The following EFCAB8 variants were observed in gnomAD, a reference collection of about 807,000 sequenced individuals.
The protein encoded by EFCAB8 is EF-hand calcium-binding domain-containing protein 8.
A neutral mutation model predicts 116.3 loss-of-function variants in EFCAB8; 100 were observed. The ratio of observed to expected loss-of-function variants is 0.86; its 90% CI spans 0.73 to 1.02. EFCAB8 has a LOEUF of 1.02. Ranked by LOEUF, EFCAB8 falls within the 50% of genes least tolerant of loss-of-function variation. EFCAB8 has a pLI of 0.00. For synonymous variants in EFCAB8, 558 were observed against 567.9 expected (o/e 0.98, Z 0.25); for missense variants, 1,320 against 1,416.9 (o/e 0.93, Z 1.10).
intron 3 of EFCAB8, among the ~76,000 whole-genome samples, chr20:32,873,677 A>G (rs901236739): frequency 2.6e-5 from 4 of 151,740 alleles, no homozygotes; most frequent in Admixed American, 6.6e-5. Flanking sequence ...AGCCTGGCCA[A>G]CATGATGAAA....
intron 9 of EFCAB8, among the ~76,000 whole-genome samples, chr20:32,894,201 C>T (rs1986051524): frequency 6.6e-6 from 1 of 152,162 alleles, no homozygotes; most frequent in African/African-American, 2.4e-5. Context: ...ACCAGGGGCC[C>T]CATGCAGGGC....
chr20:32,881,524 C>T (rs1051763571), intron 5 of EFCAB8, among the ~76,000 whole-genome samples: 13 of 152,158 alleles, frequency 8.5e-5, no homozygotes, highest in Non-Finnish European at 8.8e-5. Flanking sequence ...AGAACTCCTT[C>T]GAGTTGTTGG....
intron 22 of EFCAB8, among the ~76,000 whole-genome samples, chr20:32,932,691 C>G (rs1342181498): frequency 6.6e-6 from 1 of 152,166 alleles, no homozygotes; most frequent in East Asian, 1.9e-4. Flanking sequence ...TGCATAGCAG[C>G]ACTATCCCAT....
At chr20:32,892,757 T>C (rs907863240) in intron 8 of EFCAB8, among the ~76,000 whole-genome samples, 1 of 152,048 alleles carries the variant, frequency 6.6e-6, no homozygotes, top group Admixed American at 6.6e-5. Flanking sequence ...GAAAGTGTTG[T>C]TGGAACTGCC....
chr20:32,884,796 GGA>G (rs1387269896), intron 5 of EFCAB8, among the ~76,000 whole-genome samples: 1 of 152,172 alleles, frequency 6.6e-6, no homozygotes, highest in South Asian at 2.1e-4. Flanking sequence ...AGATCAAGTA[GGA>G]GAGTGTGTGC....
rs1313723763 is a variant in EFCAB8 at position 32,961,151 on chromosome 20, T to A, written c.3409T>A (p.Tyr1137Asn). 63 of 1,552,252 alleles carry A rather than the reference T, an allele frequency of 4.1e-5. No homozygotes were observed. Among genetic ancestry groups the A allele is most frequent in the Non-Finnish European group, 5.4e-5 (62 of 1,147,092 alleles). Residue 1137 changes from tyrosine to asparagine, a missense_variant, in exon 27 of 27, where the codon TAC becomes AAC. By Grantham distance (143) the Tyr-to-Asn change is moderately radical. Coordinates refer to ENST00000400522, the MANE Select transcript of EFCAB8 (RefSeq NM_001143967.2). The part of the protein sequence containing the change: ...WMKHQISPQV[Y>N]QSLHFSDLMP... The stretch of plus-strand genomic sequence containing the variant: ...TTCCCTGCAGATCTCGCCTCAGGTC[T>A]ACCAAAGCCTGCACTTCAGTGATCT...
intron 6 of EFCAB8, among the ~76,000 whole-genome samples, chr20:32,888,598 C>T (rs1166667414): frequency 6.6e-6 from 1 of 152,060 alleles, no homozygotes; most frequent in Non-Finnish European, 1.5e-5. Flanking sequence ...TCAAGTGATC[C>T]TCCCACCTTG....
intron 15 of EFCAB8, among the ~76,000 whole-genome samples, 178 bp from the exon 16 acceptor site, chr20:32,911,302 C>T (rs1050049570): frequency 6.6e-6 from 1 of 152,204 alleles, no homozygotes; most frequent in Non-Finnish European, 1.5e-5. Context: ...GTTTGCACTG[C>T]CCTGTGATAC....
At chr20:32,878,587 G>A (rs191003972) in intron 4 of EFCAB8, 117 bp from the exon 5 acceptor site, 9 of 653,776 alleles carry the variant, frequency 1.4e-5, no homozygotes, top group South Asian at 3.6e-5. Flanking sequence ...GCGCAATCTC[G>A]GCTCACTGCA....
chr20:32,961,541 C>T lies in EFCAB8; in HGVS notation c.3799C>T (p.Arg1267Trp), dbSNP rs373695571. 91 of 1,411,304 alleles carry T rather than the reference C, an allele frequency of 6.4e-5. 1 individual carries two copies. In the Middle Eastern group the frequency reaches 7.4e-4, roughly 11 times the overall value. The allele number at this position is 1,411,304 out of a possible 1,614,324, so 87.4% of individuals were successfully genotyped here. Residue 1267 changes from arginine to tryptophan, a missense_variant, in exon 27 of 27, where the codon CGG becomes TGG. Physicochemically the swap from Arg to Trp is moderately radical, Grantham distance 101 (BLOSUM62 -3). Coordinates refer to ENST00000400522, the MANE Select transcript of EFCAB8 (RefSeq NM_001143967.2). ...TPKHIVSSFE[R>W]PPRPLKATFM... ...CAAGCACATTGTCTCCTCCTTCGAG[C>T]GGCCCCCAAGGCCTCTGAAGGCCAC...
At chr20:32,936,159 A>C (rs973011029) in intron 22 of EFCAB8, among the ~76,000 whole-genome samples, 3 of 151,962 alleles carry the variant, frequency 2.0e-5, no homozygotes, top group Non-Finnish European at 4.4e-5. Context: ...CAACTTCCTG[A>C]GTAGCTGGGA....
chr20:32,940,043 TC>T (rs781393955), intron 22 of EFCAB8, among the ~76,000 whole-genome samples: 1,607 of 70,946 alleles, frequency 0.023, 344 homozygotes, highest in Middle Eastern at 0.059. Context: ...CTTCCTTCCT[TC>T]CTTCCTTCCT....
chr20:32,914,754 A>T (rs1406700911), intron 17 of EFCAB8, among the ~76,000 whole-genome samples: 9 of 152,180 alleles, frequency 5.9e-5, no homozygotes, highest in Admixed American at 5.9e-4. Flanking sequence ...ACCTCCTACC[A>T]GGTCCCTCCC....
chr20:32,873,266 C>A (rs1351278425), intron 3 of EFCAB8, among the ~76,000 whole-genome samples: 1 of 151,938 alleles, frequency 6.6e-6, no homozygotes, highest in East Asian at 1.9e-4. Flanking sequence ...GGAAGGAGCC[C>A]CCTGAACTCT....
intron 23 of EFCAB8, among the ~76,000 whole-genome samples, chr20:32,945,875 C>A (rs547142002): frequency 4.6e-5 from 7 of 152,224 alleles, no homozygotes; most frequent in African/African-American, 1.7e-4. Context: ...TTCAGGAGTC[C>A]ATTATCTCTT....
At chr20:32,944,419 C>A (rs2146292750) in intron 23 of EFCAB8, among the ~76,000 whole-genome samples, 1 of 152,102 alleles carries the variant, frequency 6.6e-6, no homozygotes, top group Non-Finnish European at 1.5e-5. Context: ...GAGCTGAGAT[C>A]ATGTCACTGC....
intron 23 of EFCAB8, among the ~76,000 whole-genome samples, chr20:32,952,202 A>G (rs773257077): frequency 6.6e-5 from 10 of 152,048 alleles, no homozygotes; most frequent in Non-Finnish European, 1.3e-4. Context: ...GAGGTTGAAG[A>G]TGCAGTAATC....
intron 21 of EFCAB8, 56 bp from the exon 22 acceptor site, chr20:32,931,118 AGAGT>A (rs1987891388): frequency 1.1e-5 from 15 of 1,399,390 alleles, no homozygotes; most frequent in Non-Finnish European, 1.4e-5. Context: ...AGGAGCCCGC[AGAGT>A]GAGTTGGGGT....
intron 4 of EFCAB8, among the ~76,000 whole-genome samples, chr20:32,877,598 C>G (rs1039116727): frequency 6.6e-6 from 1 of 152,224 alleles, no homozygotes; most frequent in Non-Finnish European, 1.5e-5. Context: ...CAATTTAACC[C>G]CCTCGCATTC....
Sources: allele counts gnomAD v4.1 joint callset (sites outside exome capture counted in the v4.1 genomes callset), GRCh38; gene constraint gnomAD v4.1.1; transcripts MANE v1.5; gene names NCBI Gene and HGNC (gene_info 2026-07-23, HGNC 2026-07-21).